KIF1A: variants seen among roughly 807,000 people sequenced by gnomAD.
KIF1A encodes kinesin family member 1A, also known as kinesin-like protein KIF1A.
Under a neutral mutation model 227.3 loss-of-function variants are expected in KIF1A, and 46 were observed. The observed-to-expected ratio is 0.20, with a 90% CI of 0.16 to 0.26. The LOEUF (loss-of-function observed/expected upper bound fraction) is 0.26, where lower values mean the gene tolerates loss of function less well. Among genes scored for constraint, KIF1A ranks in the 10% least tolerant of loss-of-function variants. The pLI is 1.00. For missense variants in KIF1A, 1,683 were observed against 2,485.9 expected, an observed-to-expected ratio of 0.68 and a Z score of 6.87; for synonymous variants, 1,022 against 1,012.8, an observed-to-expected ratio of 1.01 and a Z score of -0.17.
At chr2:240,730,999 G>A (rs1024299247) in intron 38 of KIF1A, among the ~76,000 whole-genome samples, 3 of 152,284 alleles carry the variant, frequency 2.0e-5, no homozygotes, top group Middle Eastern at 3.4e-3. Context: ...GCTCCCTCCC[G>A]GCCTGACTGA....
chr2:240,771,155 T>C (rs1423760432), intron 14 of KIF1A, 51 bp from the exon 15 acceptor site: 2 of 1,611,878 alleles, frequency 1.2e-6, no homozygotes, highest in Non-Finnish European at 8.5e-7. Context: ...ACGGTTAAGG[T>C]TATTGTTCTC....
intron 37 of KIF1A, among the ~76,000 whole-genome samples, chr2:240,738,768 C>T (rs1472689298): frequency 6.6e-6 from 1 of 152,218 alleles, no homozygotes; most frequent in African/African-American, 2.4e-5. Context: ...TCTGAGCAGG[C>T]GGGGCCTGAG....
At chr2:240,817,660 C>T (rs747807014) in intron 1 of KIF1A, among the ~76,000 whole-genome samples, 20 of 152,188 alleles carry the variant, frequency 1.3e-4, no homozygotes, top group Non-Finnish European at 2.5e-4. Flanking sequence ...AGGACCAGGG[C>T]TCTGTGGGAA....
chr2:240,731,300 G>A (rs943285363), intron 38 of KIF1A, among the ~76,000 whole-genome samples: 40 of 152,252 alleles, frequency 2.6e-4, no homozygotes, highest in African/African-American at 8.7e-4. Flanking sequence ...ACTAAACAGA[G>A]GCAGGGAGGG....
intron 23 of KIF1A, among the ~76,000 whole-genome samples, chr2:240,762,475 ATG>A (rs2050648252): frequency 6.6e-6 from 1 of 152,220 alleles, no homozygotes; most frequent in Admixed American, 6.5e-5. Context: ...GAATGTGTGC[ATG>A]TGTGTACACA....
At chr2:240,719,985 C>A (rs979195520) in intron 45 of KIF1A, 59 bp from the exon 46 acceptor site, 9 of 1,508,722 alleles carry the variant, frequency 6.0e-6, no homozygotes, top group Non-Finnish European at 8.0e-6. Context: ...GGGCCGTCTT[C>A]CCCCAGGCTT....
chr2:240,758,555 G>C lies in KIF1A; in HGVS notation c.2445-58C>G. 2 of 1,465,234 alleles carry C rather than the reference G, an allele frequency of 1.4e-6. No homozygotes were observed. The highest frequency in any genetic ancestry group is 1.8e-6 in the Non-Finnish European group (2 of 1,102,944). 90.8% of individuals were successfully genotyped at this position (1,465,234 alleles called of 1,614,324 possible). A position where few individuals can be genotyped will look rare whatever the true frequency, so the allele number is the denominator to read the frequency against. The stretch of plus-strand genomic sequence containing the variant: ...GGCCCAGCGCTCAGCAGCTGGCACC[G>C]CACACCCTTATCTCCTGGGGACAGT... On this transcript the variant is annotated intron_variant, in intron 25 of 48. Coordinates refer to ENST00000498729, the MANE Select transcript of KIF1A (RefSeq NM_001244008.2). This position sits in a 1 kb window ranked among gnomAD's most constrained non-coding sequence, Gnocchi z 5.2.
At chr2:240,771,330 G>T in intron 14 of KIF1A, 1 of 618,176 alleles carries the variant, frequency 1.6e-6, no homozygotes, top group Admixed American at 2.9e-5. Flanking sequence ...CAGGACAAGC[G>T]CATGCAAGGC....
intron 1 of KIF1A, among the ~76,000 whole-genome samples, chr2:240,812,981 C>CGCCTTCACCTCGGGGATCA (rs2058046994): frequency 1.0e-4 from 2 of 19,358 alleles, no homozygotes; most frequent in African/African-American, 1.9e-4. Context: ...CTCGGGGATC[C>CGCCTTCACCTCGGGGATCA]GCCTTCACCT....
At chr2:240,767,454 GC>G in intron 17 of KIF1A, 109 bp from the exon 18 acceptor site, 1 of 893,124 alleles carries the variant, frequency 1.1e-6, no homozygotes, top group Admixed American at 2.0e-5. Context: ...CAGGGTCCCT[GC>G]CCCCGCACTT....
chr2:240,798,422 A>C (rs2056637154), intron 1 of KIF1A, among the ~76,000 whole-genome samples: 1 of 152,234 alleles, frequency 6.6e-6, no homozygotes, highest in Admixed American at 6.5e-5. Context: ...ATTCACGCAG[A>C]AGGTGGAGAG....
rs1575611552 is a variant in KIF1A, at chr2:240,778,511, T to C, written c.883-2585A>G. ...GGCGCTCGCAGCTCCCGCACAGCGTTACACACACACACACACACACACACA... is the reference window on the plus strand; with the variant it reads ...GGCGCTCGCAGCTCCCGCACAGCGTCACACACACACACACACACACACACA... On this transcript the variant is annotated intron_variant, in intron 10 of 48. Transcript: ENST00000498729. This position sits in a 1 kb window ranked among gnomAD's most constrained non-coding sequence, Gnocchi z 7.2. Among the ~76,000 whole-genome samples, 5 of 134,206 alleles carry C rather than the reference T, an allele frequency of 3.7e-5. No individual in the cohort carries two copies. Among genetic ancestry groups the C allele is most frequent in the Admixed American group, 1.4e-4 (2 of 13,840 alleles). The allele number at this position is 134,206 out of a possible 152,430, so 88.0% of individuals were successfully genotyped here.
chr2:240,774,093 G>C, intron 12 of KIF1A, 90 bp downstream of exon 12: 1 of 798,424 alleles, frequency 1.3e-6, no homozygotes, highest in Non-Finnish European at 2.1e-6. Flanking sequence ...GTCGCCCCTG[G>C]TCACTGGTGC....
chr2:240,727,403 C>T (rs1368113445), intron 38 of KIF1A, among the ~76,000 whole-genome samples: 1 of 152,166 alleles, frequency 6.6e-6, no homozygotes, highest in Non-Finnish European at 1.5e-5. Context: ...TGCGCGGGCC[C>T]ACCCCAGCCT....
chr2:240,746,881 G>A (rs983880513), intron 29 of KIF1A, among the ~76,000 whole-genome samples: 1 of 152,192 alleles, frequency 6.6e-6, no homozygotes, highest in Non-Finnish European at 1.5e-5. Flanking sequence ...GGAACGCGCC[G>A]TACTGTGGGG....
rs2045975847 is a variant in KIF1A, at chr2:240,726,166, C to T, written c.4122+660G>A. Among the ~76,000 whole-genome samples the T allele has an allele frequency of 6.6e-6, 1 of 152,242 alleles. No homozygotes were observed. Reference sequence around the variant, plus strand: ...CCCAGGTCTGGCCACGGCCTATGTACTGCAGACTCTGGGGGTGCTGTGGGG... The same window carrying T: ...CCCAGGTCTGGCCACGGCCTATGTATTGCAGACTCTGGGGGTGCTGTGGGG... On this transcript the variant is annotated intron_variant, in intron 39 of 48. Coordinates refer to ENST00000498729, the MANE Select transcript of KIF1A (RefSeq NM_001244008.2). The surrounding 1 kb of genome is among the most constrained non-coding windows in gnomAD (Gnocchi z 5.2).
intron 8 of KIF1A, 43 bp from the exon 9 acceptor site, chr2:240,783,152 G>T: frequency 2.0e-6 from 3 of 1,488,122 alleles, no homozygotes; most frequent in Non-Finnish European, 1.9e-6. Flanking sequence ...CTGGGGACCC[G>T]TGGGGCCTCC....
chr2:240,796,122 C>T (rs1270403447), intron 2 of KIF1A, among the ~76,000 whole-genome samples: 1 of 152,218 alleles, frequency 6.6e-6, no homozygotes, highest in Non-Finnish European at 1.5e-5. Flanking sequence ...CCCCGGGCCA[C>T]AGTGCTCACC....
chr2:240,772,079 A>G (rs2052080144), intron 14 of KIF1A, among the ~76,000 whole-genome samples: 1 of 152,192 alleles, frequency 6.6e-6, no homozygotes, highest in African/African-American at 2.4e-5. Flanking sequence ...GTGAAAGCTG[A>G]GCTTCTGGCA....
Sources: gnomAD v4.1 joint callset for allele counts (sites outside exome capture counted in the v4.1 genomes callset) on GRCh38, gnomAD v4.1.1 for gene constraint, Gnocchi (gnomAD v3.1) non-coding constraint, MANE v1.5 for transcripts, NCBI Gene and HGNC (gene_info 2026-07-23, HGNC 2026-07-21) for gene names.